The following HNRNPM variants were observed in gnomAD, a reference collection of about 807,000 sequenced individuals.
The protein encoded by HNRNPM is heterogeneous nuclear ribonucleoprotein M, also known as CEA receptor.
HNRNPM carries 11 observed loss-of-function variants against 73.1 expected under a neutral mutation model. That is an observed-to-expected ratio of 0.15 (90% CI 0.09 to 0.25). HNRNPM has a LOEUF of 0.25. Ranked by LOEUF, HNRNPM falls within the 10% of genes least tolerant of loss-of-function variation. The pLI is 1.00. For missense variants in HNRNPM, 789 were observed against 1,067.9 expected (o/e 0.74, Z 3.64); for synonymous variants, 407 against 355.2 (o/e 1.15, Z -1.64).
chr19:8,468,593 T>G (rs576843903), intron 8 of HNRNPM, among the ~76,000 whole-genome samples, 181 bp from the exon 9 acceptor site: 1 of 152,280 alleles, frequency 6.6e-6, no homozygotes, highest in African/African-American at 2.4e-5. Flanking sequence ...TCCATGTGTC[T>G]TTTCCCTTGA....
intron 15 of HNRNPM, chr19:8,488,413 T>C: frequency 2.9e-6 from 1 of 341,812 alleles, no homozygotes; most frequent in Non-Finnish European, 5.4e-6. Context: ...GGGAACTTTC[T>C]GCCTATAAAG....
At chr19:8,448,305 T>TA (rs1968356090) in intron 1 of HNRNPM, among the ~76,000 whole-genome samples, 2 of 152,120 alleles carry the variant, frequency 1.3e-5, no homozygotes, top group African/African-American at 4.8e-5. Flanking sequence ...AGGATTTGCT[T>TA]AATTTTGATG....
intron 13 of HNRNPM, among the ~76,000 whole-genome samples, chr19:8,484,219 C>CAGGCTA (rs1971114243): frequency 6.7e-6 from 1 of 149,064 alleles, no homozygotes; most frequent in South Asian, 2.1e-4. Flanking sequence ...CTCTGTCGCC[C>CAGGCTA]AGGCTAGAGT....
chr19:8,474,778 G>T (rs190384688), intron 12 of HNRNPM, among the ~76,000 whole-genome samples: 1 of 148,942 alleles, frequency 6.7e-6, no homozygotes, highest in East Asian at 2.0e-4. Context: ...GCAATGGTGC[G>T]ATCTTGGCTC....
intron 10 of HNRNPM, among the ~76,000 whole-genome samples, chr19:8,472,225 T>G (rs1282594968): frequency 4.0e-5 from 6 of 150,764 alleles, no homozygotes; most frequent in Non-Finnish European, 8.9e-5. Flanking sequence ...TAGAATAAAC[T>G]CAGGCTTTGC....
In HNRNPM at chr19:8,445,012, T is replaced by C. The variant is rs1181882124; in HGVS notation, c.14T>C (p.Val5Ala). Reference sequence around the variant, plus strand: ...GACGCGGAGAAAATGGCGGCAGGGGTCGAAGCGGCGGCGGAGGTGGCGGCG... The same window carrying C: ...GACGCGGAGAAAATGGCGGCAGGGGCCGAAGCGGCGGCGGAGGTGGCGGCG... MAAG[V>A]EAAAEVAATE... The change falls in exon 1 of 16, where the codon GTC becomes GCC. Residue 5 changes from valine to alanine, a missense_variant. Around this residue, in one of 4 missense-constraint regions of HNRNPM, gnomAD observed 79 missense variants for 70.7 expected, o/e 1.12. Transcript: ENST00000325495. 17 of 1,416,964 alleles carry C rather than the reference T, an allele frequency of 1.2e-5. No homozygotes were observed. Among genetic ancestry groups the C allele is most frequent in the Non-Finnish European group, 1.5e-5 (16 of 1,086,904 alleles). 87.8% of individuals were successfully genotyped at this position (1,416,964 alleles called of 1,614,324 possible). A position where few individuals can be genotyped will look rare whatever the true frequency, so the allele number is the denominator to read the frequency against.
chr19:8,472,435 C>T (rs1970214275), intron 10 of HNRNPM, among the ~76,000 whole-genome samples: 1 of 152,128 alleles, frequency 6.6e-6, no homozygotes, highest in African/African-American at 2.4e-5. Flanking sequence ...AATTCTGGGC[C>T]ACAACTTCAA....
At chr19:8,469,767 G>T (rs1394224348) in intron 9 of HNRNPM, among the ~76,000 whole-genome samples, 1 of 152,204 alleles carries the variant, frequency 6.6e-6, no homozygotes, top group Non-Finnish European at 1.5e-5. Flanking sequence ...GTGCTGTGCT[G>T]GGGTGACCTC....
Position 8,485,889 on chromosome 19 carries a change from T to TGCCGGCATGGGC in HNRNPM, c.1462_1473dup (p.Ala488_Gly491dup), listed in dbSNP as rs1420930085. On this transcript the variant is annotated inframe_insertion, in exon 14 of 16. Transcript: ENST00000325495. ...TTGGCTCTGGCGTGGAGCGCATGGGTGCCGGCATGGGCTTCGGCCTTGAGC... is the reference window on the plus strand; with the variant it reads ...TTGGCTCTGGCGTGGAGCGCATGGGTGCCGGCATGGGCGCCGGCATGGGCTTCGGCCTTGAGC... 3 of 1,599,438 alleles carry TGCCGGCATGGGC rather than the reference T, an allele frequency of 1.9e-6. No individual in the cohort carries two copies. The East Asian group carries it at 6.7e-5, about 36-fold the overall frequency.
rs61362863 is a variant in HNRNPM, at chr19:8,466,828, CAAAAAAAA to C, written c.784+457_784+464del. 4.2e-4 allele frequency among the ~76,000 whole-genome samples: 24 copies of C among 56,494 alleles called. No individual in the cohort carries two copies. The South Asian group carries it at 0.018, about 43-fold the overall frequency. 37.1% of individuals were successfully genotyped at this position (56,494 alleles called of 152,430 possible). Reference sequence around the variant, plus strand: ...TGGGTGATAGAGTGAGACTCAGTCTCAAAAAAAAAAAAAAAAAAAAAAAAGGTTCTCTG... The same window carrying C: ...TGGGTGATAGAGTGAGACTCAGTCTCAAAAAAAAAAAAAAAAGGTTCTCTG... On this transcript the variant is annotated intron_variant, in intron 7 of 15. Transcript: ENST00000325495.
chr19:8,454,671 A>C (rs919579493), intron 1 of HNRNPM, among the ~76,000 whole-genome samples: 1 of 67,768 alleles, frequency 1.5e-5, no homozygotes, highest in Non-Finnish European at 3.1e-5. Flanking sequence ...GCATCATTTT[A>C]TGCCCCCCCC....
At position 8,488,759 on chromosome 19, in the gene HNRNPM, G is replaced by C; in HGVS notation, c.2098G>C (p.Glu700Gln). ...KSKGCGVVKF[E>Q]SPEVAERACR... ...CAAGGGGTGTGGCGTGGTTAAGTTC[G>C]AGTCGCCAGAGGTGGCCGAGAGAGC... Residue 700 changes from glutamate to glutamine, a missense_variant, in exon 16 of 16, where the codon GAG (glutamate) becomes CAG (glutamine). By Grantham distance (29) the Glu-to-Gln change is conservative. This residue lies in a region of HNRNPM where 43 missense variants were observed against 105.8 expected (regional missense o/e 0.41). Transcript: ENST00000325495. The C allele has an allele frequency of 6.2e-7, 1 of 1,614,162 alleles. No individual in the cohort carries two copies. The highest frequency in any genetic ancestry group is 1.1e-5 in the South Asian group (1 of 91,082).
chr19:8,482,905 C>T (rs542176546), intron 12 of HNRNPM: 18 of 454,656 alleles, frequency 4.0e-5, no homozygotes, highest in Middle Eastern at 5.8e-4. Context: ...CTCTGCTGGG[C>T]GCATTCGCAG....
intron 1 of HNRNPM, among the ~76,000 whole-genome samples, chr19:8,447,710 C>T (rs1265009726): frequency 6.6e-6 from 1 of 152,066 alleles, no homozygotes; most frequent in African/African-American, 2.4e-5. Flanking sequence ...CATGGTGAAA[C>T]CCTGTCTCTA....
At chr19:8,459,249 C>T (rs529784762) in intron 2 of HNRNPM, among the ~76,000 whole-genome samples, 170 of 152,270 alleles carry the variant, frequency 1.1e-3, no homozygotes, top group African/African-American at 3.7e-3. Context: ...TATGCTAAAG[C>T]GTTCATATGT....
chr19:8,458,380 G>A (rs2145640585), intron 2 of HNRNPM, among the ~76,000 whole-genome samples: 2 of 152,334 alleles, frequency 1.3e-5, no homozygotes, highest in Admixed American at 1.3e-4. Flanking sequence ...TTGACCATAA[G>A]GACTGGGTGG....
chr19:8,469,685 G>T (rs371784976), intron 9 of HNRNPM, among the ~76,000 whole-genome samples: 5 of 152,194 alleles, frequency 3.3e-5, no homozygotes, highest in African/African-American at 1.2e-4. Context: ...GCGGTGGGAC[G>T]ACTCAGGGAA....
intron 5 of HNRNPM, among the ~76,000 whole-genome samples, chr19:8,464,114 G>A (rs1046148303): frequency 4.6e-5 from 7 of 152,160 alleles, no homozygotes; most frequent in East Asian, 1.9e-4. Context: ...GCATGGTGGC[G>A]CATGCCTGTA....
intron 12 of HNRNPM, among the ~76,000 whole-genome samples, chr19:8,476,426 T>C (rs1038599152): frequency 9.2e-5 from 14 of 152,136 alleles, no homozygotes; most frequent in African/African-American, 3.1e-4. Flanking sequence ...AGACTGCTGG[T>C]CATGCAGGTT....
Sources: allele counts gnomAD v4.1 joint callset (sites outside exome capture counted in the v4.1 genomes callset), GRCh38; gene constraint gnomAD v4.1.1; regional missense constraint gnomAD v4.1.1; transcripts MANE v1.5; gene names NCBI Gene and HGNC (gene_info 2026-07-23, HGNC 2026-07-21).